Variants in PPARGC1A observed in about 807,000 individuals in gnomAD.
The protein encoded by PPARGC1A is peroxisome proliferator-activated receptor gamma coactivator 1-alpha.
Under a neutral mutation model 88.7 loss-of-function variants are expected in PPARGC1A, and 25 were observed. The observed-to-expected ratio is 0.28, with a 90% CI of 0.21 to 0.39. PPARGC1A has a LOEUF of 0.39. Ranked by LOEUF, PPARGC1A falls within the 10% of genes least tolerant of loss-of-function variation. The pLI is 1.00. For missense variants in PPARGC1A, 880 were observed against 968.7 expected (o/e 0.91, Z 1.22); for synonymous variants, 363 against 355.6 (o/e 1.02, Z -0.24).
the PPARGC1A span, among the ~76,000 whole-genome samples, chr4:24,175,366 C>T: frequency 6.1e-3 from 828 of 135,214 alleles, 8 homozygotes; most frequent in African/African-American, 0.02. Context: ...TTTTTTTTCT[C>T]TTTGTTTCGT....
At chr4:23,893,638 G>T (rs1253361823), upstream of PPARGC1A, among the ~76,000 whole-genome samples, 3 of 152,062 alleles carry the variant, frequency 2.0e-5, no homozygotes, top group Non-Finnish European at 4.4e-5. Context: ...TCATTACTGG[G>T]CATAAAAAGG....
the PPARGC1A span, among the ~76,000 whole-genome samples, chr4:24,001,027 C>T: frequency 6.6e-6 from 1 of 152,152 alleles, no homozygotes; most frequent in Non-Finnish European, 1.5e-5. Flanking sequence ...ATATACTGCT[C>T]TTATTACACT....
chr4:23,846,015 T>C (rs1404097307), intron 2 of PPARGC1A, among the ~76,000 whole-genome samples: 1 of 152,118 alleles, frequency 6.6e-6, no homozygotes, highest in African/African-American at 2.4e-5. Flanking sequence ...GCATATGACA[T>C]TGGGTTAGAC....
At chr4:24,240,467 A>C in the PPARGC1A span, among the ~76,000 whole-genome samples, 1 of 152,182 alleles carries the variant, frequency 6.6e-6, no homozygotes. Flanking sequence ...ATTACTGCTA[A>C]TTAGCTGGCT....
the PPARGC1A span, among the ~76,000 whole-genome samples, chr4:24,074,018 G>A: frequency 2.6e-5 from 4 of 152,248 alleles, no homozygotes; most frequent in East Asian, 1.9e-4. Flanking sequence ...CCTCACCTGC[G>A]TAGAGGGTTC....
chr4:24,076,396 T>C, the PPARGC1A span, among the ~76,000 whole-genome samples: 39 of 152,306 alleles, frequency 2.6e-4, no homozygotes, highest in African/African-American at 8.2e-4. Context: ...ATTCTGCCTA[T>C]TCTTAGCATA....
chr4:24,318,976 C>T, the PPARGC1A span, among the ~76,000 whole-genome samples: 32 of 152,126 alleles, frequency 2.1e-4, no homozygotes, highest in African/African-American at 7.0e-4. Context: ...GGGAGATCTC[C>T]AGGACCAAAA....
At chr4:24,432,360 G>T in the PPARGC1A span, among the ~76,000 whole-genome samples, 17 of 152,146 alleles carry the variant, frequency 1.1e-4, no homozygotes, top group African/African-American at 3.9e-4. Context: ...TGCACAACCT[G>T]CACAGGGTGA....
chr4:24,064,314 A>C, the PPARGC1A span, among the ~76,000 whole-genome samples: 55,756 of 152,006 alleles, frequency 0.37, 10,592 homozygotes, highest in South Asian at 0.44. Context: ...TACACCCCTG[A>C]CATGTCCAGA....
At chr4:24,123,838 A>T in the PPARGC1A span, among the ~76,000 whole-genome samples, 1 of 150,106 alleles carries the variant, frequency 6.7e-6, no homozygotes, top group African/African-American at 2.5e-5. Context: ...AGTCTCTATA[A>T]GCCCCACCAT....
chr4:23,914,192 T>G, the PPARGC1A span, among the ~76,000 whole-genome samples: 1 of 152,190 alleles, frequency 6.6e-6, no homozygotes, highest in Non-Finnish European at 1.5e-5. Context: ...TAAATTTTAT[T>G]GAGTGCTTAT....
At chr4:23,940,989 T>C in the PPARGC1A span, among the ~76,000 whole-genome samples, 2 of 152,214 alleles carry the variant, frequency 1.3e-5, no homozygotes, top group Non-Finnish European at 2.9e-5. Flanking sequence ...TTAATGTTTG[T>C]TAAACAGATA....
At chr4:23,843,135 C>T (rs1016767879) in intron 2 of PPARGC1A, among the ~76,000 whole-genome samples, 1 of 151,996 alleles carries the variant, frequency 6.6e-6, no homozygotes, top group African/African-American at 2.4e-5. Flanking sequence ...CTGACTATCA[C>T]CATTATCATA....
At chr4:24,402,142 C>A in the PPARGC1A span, among the ~76,000 whole-genome samples, 1 of 152,194 alleles carries the variant, frequency 6.6e-6, no homozygotes, top group Admixed American at 6.5e-5. Context: ...AAAGGCCTGG[C>A]CTTCTGGCCT....
the PPARGC1A span, among the ~76,000 whole-genome samples, chr4:24,173,485 C>T: frequency 6.6e-6 from 1 of 152,092 alleles, no homozygotes; most frequent in African/African-American, 2.4e-5. Context: ...TCACTGGAGC[C>T]CAAAAGTTGG....
the PPARGC1A span, among the ~76,000 whole-genome samples, chr4:24,353,086 T>G: frequency 6.6e-6 from 1 of 152,156 alleles, no homozygotes; most frequent in East Asian, 1.9e-4. Context: ...AGGGGCATGT[T>G]GCATCCATCT....
At chr4:23,840,127 T>A (rs1019382971) in intron 2 of PPARGC1A, among the ~76,000 whole-genome samples, 32 of 152,050 alleles carry the variant, frequency 2.1e-4, no homozygotes, top group African/African-American at 7.5e-4. Context: ...CTCCGTGGCT[T>A]CTCATGTCTC....
the PPARGC1A span, among the ~76,000 whole-genome samples, chr4:24,251,251 G>A: frequency 5.9e-5 from 9 of 152,140 alleles, no homozygotes; most frequent in East Asian, 5.8e-4. Context: ...GTGATCTTGC[G>A]CAAGTTACTT....
chr4:23,932,599 G>GT, the PPARGC1A span, among the ~76,000 whole-genome samples: 1 of 151,650 alleles, frequency 6.6e-6, no homozygotes, highest in Non-Finnish European at 1.5e-5. Context: ...ACGAAGTAGT[G>GT]TTTTTTTAAA....
Sources: gnomAD v4.1 joint callset for allele counts (sites outside exome capture counted in the v4.1 genomes callset) on GRCh38, gnomAD v4.1.1 for gene constraint, MANE v1.5 for transcripts, NCBI Gene and HGNC (gene_info 2026-07-23, HGNC 2026-07-21) for gene names.